SH3RF3: variants seen among roughly 807,000 people sequenced by gnomAD.
SH3RF3 encodes E3 ubiquitin-protein ligase SH3RF3.
A neutral mutation model predicts 66.3 loss-of-function variants in SH3RF3; 29 were observed. The observed-to-expected ratio is 0.44, with a 90% CI of 0.33 to 0.60. The LOEUF is 0.60. Ranked by LOEUF, SH3RF3 falls within the 20% of genes least tolerant of loss-of-function variation. The pLI is 0.04. For missense variants in SH3RF3, 1,194 were observed against 1,190.9 expected (o/e 1.00, Z -0.04); for synonymous variants, 583 against 532.0 (o/e 1.10, Z -1.32).
chr2:109,294,589 T>TAAA (rs35974168), intron 1 of SH3RF3, among the ~76,000 whole-genome samples: 1 of 141,400 alleles, frequency 7.1e-6, no homozygotes, highest in Non-Finnish European at 1.5e-5. Flanking sequence ...AAAAAAAAGG[T>TAAA]AAAAAAAAAA....
chr2:109,306,904 C>T (rs1297380395), intron 1 of SH3RF3, among the ~76,000 whole-genome samples: 1 of 152,154 alleles, frequency 6.6e-6, no homozygotes, highest in Non-Finnish European at 1.5e-5. Context: ...ACGGTAGGGC[C>T]GCGGCATGCA....
chr2:109,489,246 G>T (rs1306759971), intron 8 of SH3RF3, among the ~76,000 whole-genome samples: 2 of 152,254 alleles, frequency 1.3e-5, no homozygotes, highest in African/African-American at 4.8e-5. Flanking sequence ...GTCACCAAGG[G>T]TGATGGGGAT....
intron 2 of SH3RF3, among the ~76,000 whole-genome samples, chr2:109,368,196 T>TTAAGCCTTTG (rs1260470713): frequency 1.3e-5 from 2 of 152,260 alleles, no homozygotes; most frequent in African/African-American, 4.8e-5. Flanking sequence ...AGTAAAGACA[T>TTAAGCCTTTG]TAAGCCTTTG....
intron 1 of SH3RF3, among the ~76,000 whole-genome samples, chr2:109,173,575 G>A (rs1030905227): frequency 4.6e-5 from 7 of 152,092 alleles, no homozygotes; most frequent in African/African-American, 7.2e-5. Flanking sequence ...TGGTGGCTGC[G>A]GGGAAGGCCA....
At chr2:109,305,072 T>G (rs1012191905) in intron 1 of SH3RF3, among the ~76,000 whole-genome samples, 7 of 152,202 alleles carry the variant, frequency 4.6e-5, no homozygotes, top group African/African-American at 1.7e-4. Flanking sequence ...TGAATGTTAT[T>G]TGGGTCCATG....
intron 4 of SH3RF3, among the ~76,000 whole-genome samples, chr2:109,403,113 C>T (rs947007618): frequency 1.3e-5 from 2 of 152,188 alleles, no homozygotes; most frequent in Admixed American, 1.3e-4. Flanking sequence ...AGAAAGGAAG[C>T]GTGCGTCTGT....
chr2:109,497,634 A>G (rs1679288698), intron 9 of SH3RF3, among the ~76,000 whole-genome samples: 1 of 152,222 alleles, frequency 6.6e-6, no homozygotes, highest in African/African-American at 2.4e-5. Flanking sequence ...CTCTGTGTCT[A>G]TAACGGGGAG....
chr2:109,282,976 A>G (rs1312810438), intron 1 of SH3RF3, among the ~76,000 whole-genome samples: 1 of 151,968 alleles, frequency 6.6e-6, no homozygotes, highest in East Asian at 1.9e-4. Context: ...CCTGGGTCCT[A>G]CTCCCTCACG....
chr2:109,318,098 C>T (rs552472272), intron 1 of SH3RF3, among the ~76,000 whole-genome samples: 1 of 103,942 alleles, frequency 9.6e-6, no homozygotes, highest in African/African-American at 5.6e-5. Flanking sequence ...AATTTCAGTA[C>T]GCAAAAAAAA....
chr2:109,503,993 G>C lies in SH3RF3; in HGVS notation c.*2322G>C, dbSNP rs978896330. On this transcript the variant is annotated 3_prime_UTR_variant, in exon 10 of 10. Transcript: ENST00000309415. ...GCCACCTTAGGAAGGAGAGCGATGCGTGGGTCTGGCCAGAGCTCTGGAGCC... is the reference window on the plus strand; with the variant it reads ...GCCACCTTAGGAAGGAGAGCGATGCCTGGGTCTGGCCAGAGCTCTGGAGCC... 4 of 152,216 alleles carry C rather than the reference G, an allele frequency of 2.6e-5. No individual in the cohort carries two copies. The highest frequency in any genetic ancestry group is 4.8e-5 in the African/African-American group (2 of 41,444). The allele number at this position is 152,216 out of a possible 1,614,324, so 9.4% of individuals were successfully genotyped here.
At position 109,398,844 on chromosome 2, in the gene SH3RF3, C is replaced by G. The variant is rs761616312; in HGVS notation, c.1200C>G (p.Ser400=). The change falls in exon 4 of 10, where the codon TCC becomes TCG. Residue 400 remains serine, a synonymous_variant. Transcript: ENST00000309415. ...RSSQAASHRH[S]MEISAPVLIS... The stretch of plus-strand genomic sequence containing the variant: ...CCCAGGCTGCCAGCCACAGGCATTC[C>G]ATGGAAATTAGTGCTCCAGTGTTGA... 3 of 1,613,950 alleles carry G rather than the reference C, an allele frequency of 1.9e-6. No homozygotes were observed. The highest frequency in any genetic ancestry group is 2.5e-6 in the Non-Finnish European group (3 of 1,179,888).
intron 3 of SH3RF3, among the ~76,000 whole-genome samples, chr2:109,381,571 G>A (rs766594923): frequency 2.6e-5 from 4 of 152,010 alleles, no homozygotes; most frequent in Non-Finnish European, 4.4e-5. Flanking sequence ...GGGCTTCCAT[G>A]TTCTTGTCTT....
At chr2:109,368,425 G>C (rs1683191860) in intron 2 of SH3RF3, among the ~76,000 whole-genome samples, 1 of 152,092 alleles carries the variant, frequency 6.6e-6, no homozygotes, top group South Asian at 2.1e-4. Context: ...CAGTGGATTA[G>C]AGAACTAATT....
chr2:109,191,198 C>A (rs947773595), intron 1 of SH3RF3, among the ~76,000 whole-genome samples: 1 of 152,084 alleles, frequency 6.6e-6, no homozygotes, highest in Non-Finnish European at 1.5e-5. Flanking sequence ...TGCAGTGATG[C>A]CACTGGGATG....
In SH3RF3 at chr2:109,369,127, G is replaced by A. The variant is rs1458887093; in HGVS notation, c.850-2459G>A. Among the ~76,000 whole-genome samples the A allele has an allele frequency of 5.3e-5, 8 of 152,002 alleles. No homozygotes were observed. The East Asian group carries it at 1.6e-3, about 30-fold the overall frequency. ...TGGGAGGCCGAGGTGGGCAGATCAC[G>A]AGGTCAGGGGATCGAGACCATCCTG... is the stretch of plus-strand genomic sequence containing the variant. On this transcript the variant is annotated intron_variant, in intron 2 of 9. Transcript: ENST00000309415.
At chr2:109,236,651 G>A (rs1329627599) in intron 1 of SH3RF3, among the ~76,000 whole-genome samples, 1 of 152,178 alleles carries the variant, frequency 6.6e-6, no homozygotes, top group Non-Finnish European at 1.5e-5. Context: ...GCCCAAATGG[G>A]GAGATTAAAG....
At chr2:109,474,964 G>GT (rs889709833) in intron 8 of SH3RF3, among the ~76,000 whole-genome samples, 5 of 151,644 alleles carry the variant, frequency 3.3e-5, no homozygotes, top group East Asian at 1.9e-4. Context: ...TTTTGTTTGG[G>GT]TTTTTTTTGT....
intron 1 of SH3RF3, among the ~76,000 whole-genome samples, chr2:109,140,220 A>T (rs1676915523): frequency 6.6e-6 from 1 of 152,198 alleles, no homozygotes; most frequent in African/African-American, 2.4e-5. Context: ...ACGTGGTTGC[A>T]TGTGGTTGAC....
rs1676221643 is a variant in SH3RF3, at chr2:109,398,728, G to T, written c.1084G>T (p.Ala362Ser). 1 of 1,613,284 alleles carries T rather than the reference G, an allele frequency of 6.2e-7. No individual in the cohort carries two copies. Among genetic ancestry groups the T allele is most frequent in the Non-Finnish European group, 8.5e-7 (1 of 1,179,660 alleles). Residue 362 changes from alanine to serine, a missense_variant, in exon 4 of 10, where the codon GCG (alanine) becomes TCG (serine). By Grantham distance (99) the Ala-to-Ser change is moderately conservative. Coordinates refer to ENST00000309415, the MANE Select transcript of SH3RF3 (RefSeq NM_001099289.3). Reference protein sequence around the residue: ...APSPTLSSSGAVSAFQRRVDG... With the variant: ...APSPTLSSSGSVSAFQRRVDG... ...AAGTCCCACTTTAAGCAGCTCAGGG[G>T]CGGTCAGTGCCTTTCAGCGGCGTGT...
Sources: allele counts gnomAD v4.1 joint callset (sites outside exome capture counted in the v4.1 genomes callset), GRCh38; gene constraint gnomAD v4.1.1; transcripts MANE v1.5; gene names NCBI Gene and HGNC (gene_info 2026-07-23, HGNC 2026-07-21).